NOXA1: variants seen among roughly 807,000 people sequenced by gnomAD.
NOXA1 encodes the protein NCF2-like protein.
A neutral mutation model predicts 64.8 loss-of-function variants in NOXA1; 56 were observed. The ratio of observed to expected loss-of-function variants is 0.86; its 90% CI spans 0.70 to 1.08. The LOEUF (loss-of-function observed/expected upper bound fraction) is 1.08. NOXA1 is among the 50% of genes least tolerant of loss of function. The pLI, the probability that NOXA1 is intolerant of heterozygous loss-of-function variation, is 0.00. For missense variants in NOXA1, 668 were observed against 658.5 expected (o/e 1.01, Z -0.16); for synonymous variants, 295 against 294.8 (o/e 1.00, Z -0.01).
intron 10 of NOXA1, 51 bp downstream of exon 10, chr9:137,433,314 C>T (rs1321638661): frequency 6.6e-7 from 1 of 1,507,458 alleles, no homozygotes; most frequent in East Asian, 2.4e-5. Context: ...GAGGCTGAGG[C>T]CAAGCCCCAT....
At position 137,433,547 on chromosome 9, in the gene NOXA1, C is replaced by G; in HGVS notation, c.1004C>G (p.Ser335Cys). The G allele has an allele frequency of 6.3e-7, 1 of 1,579,912 alleles. No homozygotes were observed. The highest frequency in any genetic ancestry group is 8.6e-7 in the Non-Finnish European group (1 of 1,165,664). ...AGGGCACGAAGAGGAGCCGACCTGT[C>G]CAGCCTGCGGGCACTGCTGGGCCAA... ...ALRARRGADL[S>C]SLRALLGQAL... Residue 335 changes from serine (S) to cysteine (C), a missense_variant, in exon 11 of 14, where the codon TCC becomes TGC. Coordinates refer to ENST00000683555, the MANE Select transcript of NOXA1 (RefSeq NM_001256067.2).
In NOXA1 at chr9:137,423,696, C is replaced by A; in HGVS notation, c.167C>A (p.Ala56Asp). ...CVHLLAGDPE[A>D]ALRAFDQAVT... ...CACCTGCTGGCCGGGGACCCCGAGG[C>A]CGCGCTGCGGGTGAGCGGGGCGTGG... Residue 56 changes from alanine to aspartate, a missense_variant, in exon 1 of 14, where the codon GCC becomes GAC. Ala to Asp is a moderately radical substitution (Grantham distance 126). Coordinates refer to ENST00000683555, the MANE Select transcript of NOXA1 (RefSeq NM_001256067.2). The A allele has an allele frequency of 7.5e-7, 1 of 1,325,308 alleles. No individual in the cohort carries two copies. Among genetic ancestry groups the A allele is most frequent in the Non-Finnish European group, 9.6e-7 (1 of 1,038,734 alleles). The allele number at this position is 1,325,308 out of a possible 1,614,324, so 82.1% of individuals were successfully genotyped here. A position where few individuals can be genotyped will look rare whatever the true frequency, so the allele number is the denominator to read the frequency against.
At chr9:137,430,690 A>G in intron 5 of NOXA1, 94 bp from the exon 6 acceptor site, 1 of 1,081,532 alleles carries the variant, frequency 9.2e-7, no homozygotes, top group Non-Finnish European at 1.3e-6. Context: ...GCCCCCGGGG[A>G]CTTAGAGCTG....
In NOXA1 at chr9:137,423,418, G is replaced by C. The variant is rs1391887192; in HGVS notation, c.-112G>C. 6 of 633,574 alleles carry C rather than the reference G, an allele frequency of 9.5e-6. No homozygotes were observed. The highest frequency in any genetic ancestry group is 1.3e-5 in the Non-Finnish European group (6 of 467,156). The allele number at this position is 633,574 out of a possible 1,614,324, so 39.2% of individuals were successfully genotyped here. ...AGCGGGGTTGCACCTGGCGCTTGGC[G>C]CCCGCACCTCTGCCCGCCTCGGAGA... is the stretch of plus-strand genomic sequence containing the variant. On this transcript the variant is annotated 5_prime_UTR_variant, in exon 1 of 14. Transcript: ENST00000683555.
rs118023933 is a variant in NOXA1 at position 137,431,585 on chromosome 9, G to T, written c.804+244G>T. Among the ~76,000 whole-genome samples the T allele has an allele frequency of 6.6e-6, 1 of 152,208 alleles. No homozygotes were observed. The highest frequency in any genetic ancestry group is 2.4e-5 in the African/African-American group (1 of 41,460). ...GGTGGTGTCCAGTGGAGACATCCAC[G>T]TAGCCCTGCAGGCCCTCAGCCCCCA... On this transcript the variant is annotated intron_variant, in intron 8 of 13. Coordinates refer to ENST00000683555, the MANE Select transcript of NOXA1 (RefSeq NM_001256067.2). The surrounding 1 kb of genome is among the most constrained non-coding windows in gnomAD (Gnocchi z 5.6).
Position 137,431,377 on chromosome 9 carries a change from C to T in NOXA1, c.804+36C>T, listed in dbSNP as rs748033267. 1.6e-4 allele frequency: 251 copies of T among 1,535,404 alleles called. No homozygotes were observed. The highest frequency in any genetic ancestry group is 2.1e-4 in the Non-Finnish European group (233 of 1,120,316). On this transcript the variant is annotated intron_variant, in intron 8 of 13. Coordinates refer to ENST00000683555, the MANE Select transcript of NOXA1 (RefSeq NM_001256067.2). The surrounding 1 kb of genome is among the most constrained non-coding windows in gnomAD (Gnocchi z 5.6). ...CTGGGCCTCTTCCCCTGCTGGGGGT[C>T]GGTGCTTCTGCTGCCTCCGCAGACT...
chr9:137,424,229 C>A (rs1564233319), intron 1 of NOXA1, among the ~76,000 whole-genome samples: 1 of 152,180 alleles, frequency 6.6e-6, no homozygotes, highest in Non-Finnish European at 1.5e-5. Context: ...CCAAGCACCC[C>A]GCAGAAGCAG....
chr9:137,426,945 T>C (rs1838868323), intron 2 of NOXA1, among the ~76,000 whole-genome samples: 2 of 152,242 alleles, frequency 1.3e-5, no homozygotes. Context: ...TACAGGCATG[T>C]GCCACCACGC....
chr9:137,424,438 T>G (rs1838748668), intron 1 of NOXA1, among the ~76,000 whole-genome samples: 1 of 152,152 alleles, frequency 6.6e-6, no homozygotes, highest in Non-Finnish European at 1.5e-5. Context: ...ATGATTTCAT[T>G]TTTTTGTTTG....
At chr9:137,429,235 G>T in intron 4 of NOXA1, 41 bp from the exon 5 acceptor site, 2 of 1,431,308 alleles carry the variant, frequency 1.4e-6, no homozygotes, top group Non-Finnish European at 1.9e-6. Context: ...AGGCCTGGTT[G>T]GTCACCCCGT....
chr9:137,423,739 A>ACGCCTC, intron 1 of NOXA1, 33 bp downstream of exon 1: 1 of 1,238,232 alleles, frequency 8.1e-7, no homozygotes, highest in Non-Finnish European at 1.0e-6. Context: ...GGTGCGGGCG[A>ACGCCTC]CGCCTCCGCC....
At chr9:137,425,270 G>A (rs1030267112) in intron 1 of NOXA1, among the ~76,000 whole-genome samples, 1 of 152,202 alleles carries the variant, frequency 6.6e-6, no homozygotes, top group Non-Finnish European at 1.5e-5. Context: ...CCTGAGTCTG[G>A]TTTAAGGAAG....
chr9:137,425,089 C>G (rs1838795880), intron 1 of NOXA1, among the ~76,000 whole-genome samples: 1 of 152,204 alleles, frequency 6.6e-6, no homozygotes, highest in African/African-American at 2.4e-5. Context: ...GAGCCGCCAC[C>G]CCACATCAGG....
Position 137,423,752 on chromosome 9 carries a change from G to C in NOXA1, c.177+46G>C, listed in dbSNP as rs1007233543. On this transcript the variant is annotated intron_variant, in intron 1 of 13. Coordinates refer to ENST00000683555, the MANE Select transcript of NOXA1 (RefSeq NM_001256067.2). ...CCGGTGCGGGCGACGCCTCCGCCTC[G>C]AGCCCCTGGGGAGGGCCCAGCGCCC... 143 of 1,225,620 alleles carry C rather than the reference G, an allele frequency of 1.2e-4. 1 individual carries two copies. The highest frequency in any genetic ancestry group is 6.4e-4 in the Middle Eastern group (2 of 3,120). 75.9% of individuals were successfully genotyped at this position (1,225,620 alleles called of 1,614,324 possible).
At chr9:137,426,647 C>T (rs1838857733) in intron 2 of NOXA1, among the ~76,000 whole-genome samples, 1 of 152,150 alleles carries the variant, frequency 6.6e-6, no homozygotes, top group Non-Finnish European at 1.5e-5. Flanking sequence ...TAGACACTCA[C>T]AGGCCCCATC....
At chr9:137,429,418 C>T (rs1838993273) in intron 5 of NOXA1, 35 bp downstream of exon 5, 2 of 1,443,276 alleles carry the variant, frequency 1.4e-6, no homozygotes, top group Non-Finnish European at 1.9e-6. Context: ...GGCATGGCGG[C>T]TGGTGCTGAG....
chr9:137,425,238 T>C lies in NOXA1; in HGVS notation c.178-1010T>C, dbSNP rs76733695. ...ACATTTAACTGATGGCCACGGTCCC[T>C]GTTCAGAACCTTCTGTGTCCTCCTG... is the stretch of plus-strand genomic sequence containing the variant. On this transcript the variant is annotated intron_variant, in intron 1 of 13. Coordinates refer to ENST00000683555, the MANE Select transcript of NOXA1 (RefSeq NM_001256067.2). Among the ~76,000 whole-genome samples the C allele has an allele frequency of 3.7e-3, 558 of 152,332 alleles. 2 individuals are homozygous for C. Among genetic ancestry groups the C allele is most frequent in the Middle Eastern group, 6.8e-3 (2 of 294 alleles).
In NOXA1 at chr9:137,429,293, G is replaced by A. The variant is rs1250745668; in HGVS notation, c.522G>A (p.Pro174=). 7.7e-6 allele frequency: 12 copies of A among 1,566,756 alleles called. No homozygotes were observed. The highest frequency in any genetic ancestry group is 1.2e-5 in the South Asian group (1 of 85,146). ...LDQVQRRGSL[P]PRQVPRGEVF... Reference sequence around the variant, plus strand: ...CCCTCCAGAGACGGGGCTCACTGCCGCCACGGCAGGTCCCCAGGGGCGAGG... The same window carrying A: ...CCCTCCAGAGACGGGGCTCACTGCCACCACGGCAGGTCCCCAGGGGCGAGG... Residue 174 remains proline, a synonymous_variant, in exon 5 of 14, where the codon CCG becomes CCA. Transcript: ENST00000683555.
chr9:137,426,375 T>G, intron 2 of NOXA1, 45 bp downstream of exon 2: 1 of 1,535,834 alleles, frequency 6.5e-7, no homozygotes, highest in Non-Finnish European at 9.0e-7. Context: ...GCCCTTTGTC[T>G]CCCTGCAGAG....
Sources: gnomAD v4.1 joint callset for allele counts (sites outside exome capture counted in the v4.1 genomes callset) on GRCh38, gnomAD v4.1.1 for gene constraint, Gnocchi (gnomAD v3.1) non-coding constraint, MANE v1.5 for transcripts, NCBI Gene and HGNC (gene_info 2026-07-23, HGNC 2026-07-21) for gene names.